Variants in STAB1 observed in about 807,000 individuals in gnomAD.
STAB1 encodes stabilin 1, also known as stabilin-1.
A neutral mutation model predicts 332.4 loss-of-function variants in STAB1; 250 were observed. The ratio of observed to expected loss-of-function variants is 0.75; its 90% CI spans 0.68 to 0.84. The LOEUF (loss-of-function observed/expected upper bound fraction) is 0.84. Among genes scored for constraint, STAB1 ranks in the 40% least tolerant of loss-of-function variants. STAB1 has a pLI of 0.00. For synonymous variants in STAB1, 1,475 were observed against 1,390.4 expected, an observed-to-expected ratio of 1.06 and a Z score of -1.35; for missense variants, 3,249 against 3,489.7, an observed-to-expected ratio of 0.93 and a Z score of 1.74.
At chr3:52,506,277 T>C in intron 17 of STAB1, 27 bp downstream of exon 17, 1 of 1,593,612 alleles carries the variant, frequency 6.3e-7, no homozygotes, top group Non-Finnish European at 8.6e-7. Flanking sequence ...CCTGGGCGGA[T>C]GGTGGGGCTG....
chr3:52,514,680 A>G (rs758276314), intron 34 of STAB1, 21 bp from the exon 35 acceptor site: 12 of 1,612,788 alleles, frequency 7.4e-6, no homozygotes, highest in Non-Finnish European at 1.0e-5. Flanking sequence ...GGGTGGATTC[A>G]GCCTCCATCC....
At chr3:52,518,109 C>T (rs1559711430) in intron 45 of STAB1, 106 bp downstream of exon 45, 3 of 1,520,724 alleles carry the variant, frequency 2.0e-6, no homozygotes, top group African/African-American at 1.4e-5. Context: ...TGGCCCTGAC[C>T]ATGACACTGA....
intron 10 of STAB1, 125 bp downstream of exon 10, chr3:52,504,280 T>G: frequency 6.8e-7 from 1 of 1,472,558 alleles, no homozygotes; most frequent in Non-Finnish European, 9.1e-7. Context: ...AACAGGTGGC[T>G]GTGGGGGGTG....
intron 8 of STAB1, 63 bp from the exon 9 acceptor site, chr3:52,503,709 G>A (rs773686039): frequency 6.9e-6 from 11 of 1,605,366 alleles, no homozygotes; most frequent in African/African-American, 2.7e-5. Context: ...CTATGGGTAG[G>A]GCAGACACCA....
chr3:52,519,723 G>A (rs2079010561), intron 50 of STAB1, 159 bp downstream of exon 50: 3 of 1,223,688 alleles, frequency 2.5e-6, no homozygotes, highest in Non-Finnish European at 3.4e-6. Context: ...CTGTGTGCAT[G>A]TGCACCCCAG....
At position 52,518,614 on chromosome 3, in the gene STAB1, G is replaced by A; in HGVS notation, c.4887+1G>A. The A allele has an allele frequency of 6.2e-7, 1 of 1,607,968 alleles. No homozygotes were observed. Among genetic ancestry groups the A allele is most frequent in the Non-Finnish European group, 8.5e-7 (1 of 1,177,678 alleles). On this transcript the variant is annotated splice_donor_variant, in intron 47 of 68. Transcript: ENST00000321725. LOFTEE classifies it high-confidence loss of function. ...AGATCTAATGAGCAACCTGTCGCAG[G>A]TATGCAGCCCCCAGAGCGAGGCTGG... is the stretch of plus-strand genomic sequence containing the variant.
chr3:52,520,058 C>T lies in STAB1; in HGVS notation c.5350C>T (p.His1784Tyr), dbSNP rs1339178623. 13 of 1,612,672 alleles carry T rather than the reference C, an allele frequency of 8.1e-6. No homozygotes were observed. The South Asian group carries it at 1.3e-4, about 16-fold the overall frequency. Residue 1784 changes from histidine to tyrosine, a missense_variant, in exon 51 of 69, where the codon CAT (histidine) becomes TAT (tyrosine). Transcript: ENST00000321725. ...TCCGGATCGCCAGGCCTGGCTGTAC[C>T]ATGAGGACCACCGTGACAAGCTAGC... Reference protein sequence around the residue: ...LPPDRQAWLYHEDHRDKLAAI... With the variant: ...LPPDRQAWLYYEDHRDKLAAI...
chr3:52,508,883 T>C (rs1286939876), intron 21 of STAB1, among the ~76,000 whole-genome samples: 1 of 152,148 alleles, frequency 6.6e-6, no homozygotes, highest in African/African-American at 2.4e-5. Flanking sequence ...TTGGCATTTA[T>C]TTCCAAAAAG....
At position 52,522,378 on chromosome 3, in the gene STAB1, C is replaced by T; in HGVS notation, c.6514C>T (p.Gln2172Ter). 6.2e-7 allele frequency: 1 copy of T among 1,613,020 alleles called. No individual in the cohort carries two copies. The highest frequency in any genetic ancestry group is 8.5e-7 in the Non-Finnish European group (1 of 1,180,020). Residue 2172 changes from glutamine (Q) to a stop codon, truncating the protein, a stop_gained, in exon 60 of 69, where the codon CAG becomes TAG. Coordinates refer to ENST00000321725, the MANE Select transcript of STAB1 (RefSeq NM_015136.3). LOFTEE classifies it high-confidence loss of function. ...CHAGYVGDGL[Q>*]CLEESEPPVD... ...CGCAGGCTACGTAGGCGATGGACTGCAGTGTCTGGAGGAGTCGGAACCACC... is the reference window on the plus strand; with the variant it reads ...CGCAGGCTACGTAGGCGATGGACTGTAGTGTCTGGAGGAGTCGGAACCACC...
chr3:52,499,706 C>G (rs1452364554), intron 1 of STAB1, among the ~76,000 whole-genome samples: 11 of 150,346 alleles, frequency 7.3e-5, no homozygotes, highest in Admixed American at 1.3e-4. Flanking sequence ...GAGACCAACC[C>G]CGCTAAAACG....
Position 52,510,367 on chromosome 3 carries a change from T to C in STAB1, c.2647T>C (p.Ser883Pro), listed in dbSNP as rs1279724235. The change falls in exon 25 of 69, where the codon TCC (serine) becomes CCC (proline). Residue 883 changes from serine to proline, a missense_variant. By Grantham distance (74) the Ser-to-Pro change is moderately conservative. Transcript: ENST00000321725. ...CTCACAGGCTGAGTGTGTCCCTGGG[T>C]CCCTGGGCACCCACCACTGCACATG... is the stretch of plus-strand genomic sequence containing the variant. ...CSENAECVPG[S>P]LGTHHCTCHK... 1.9e-6 allele frequency: 3 copies of C among 1,613,788 alleles called. No homozygotes were observed. Among genetic ancestry groups the C allele is most frequent in the Non-Finnish European group, 8.5e-7 (1 of 1,179,994 alleles).
Position 52,508,378 on chromosome 3 carries a change from T to C in STAB1, c.2235+19T>C, listed in dbSNP as rs372972573. ...AGGCAATGTGAGTCCCATCCTCTCC[T>C]GGGGTGAGGTATGGGGAACACAAGG... On this transcript the variant is annotated intron_variant, in intron 21 of 68. Coordinates refer to ENST00000321725, the MANE Select transcript of STAB1 (RefSeq NM_015136.3). 25 of 1,611,244 alleles carry C rather than the reference T, an allele frequency of 1.6e-5. No homozygotes were observed. The highest frequency in any genetic ancestry group is 2.7e-5 in the African/African-American group (2 of 74,890).
In STAB1 at chr3:52,502,623, C is replaced by T; in HGVS notation, c.488-9C>T. 1 of 1,606,898 alleles carries T rather than the reference C, an allele frequency of 6.2e-7. No individual in the cohort carries two copies. Among genetic ancestry groups the T allele is most frequent in the Non-Finnish European group, 8.5e-7 (1 of 1,174,400 alleles). On this transcript the variant is annotated splice_polypyrimidine_tract_variant and intron_variant, in intron 5 of 68. Transcript: ENST00000321725. Reference sequence around the variant, plus strand: ...TGGGGCCCCATCTGTCTCTGTGTGTCCCTCCCAGTGTGCAGCTGTGTGCAC... The same window carrying T: ...TGGGGCCCCATCTGTCTCTGTGTGTTCCTCCCAGTGTGCAGCTGTGTGCAC...
In STAB1 at chr3:52,503,474, A is replaced by C; in HGVS notation, c.825A>C (p.Pro275=). The change falls in exon 8 of 69, where the codon CCA becomes CCC. Residue 275 remains proline, a synonymous_variant. Transcript: ENST00000321725. ...GGATGGTGTGTCTGCCCAAGGACCC[A>C]TGCACTGACAACCTTGGTGGCTGCC... ...GDGMVCLPKD[P]CTDNLGGCPS... is the part of the protein sequence containing the mutation. The C allele has an allele frequency of 6.2e-7, 1 of 1,613,772 alleles. No homozygotes were observed. The highest frequency in any genetic ancestry group is 8.5e-7 in the Non-Finnish European group (1 of 1,180,024).
chr3:52,521,990 C>T lies in STAB1; in HGVS notation c.6271+39C>T, dbSNP rs764176077. ...CGGGGACATGGAGGTGGGAGGCCCC[C>T]ACTCCCCTGCAGTCACTAGGTCCAA... is the stretch of plus-strand genomic sequence containing the variant. On this transcript the variant is annotated intron_variant, in intron 58 of 68. Coordinates refer to ENST00000321725, the MANE Select transcript of STAB1 (RefSeq NM_015136.3). The T allele has an allele frequency of 9.3e-6, 15 of 1,607,238 alleles. No homozygotes were observed. In the Middle Eastern group the frequency reaches 9.9e-4, roughly 106 times the overall value.
Position 52,519,729 on chromosome 3 carries a change from C to T in STAB1, c.5235+165C>T, listed in dbSNP as rs1165120033. 3.0e-5 allele frequency: 36 copies of T among 1,198,234 alleles called. No individual in the cohort carries two copies. The Admixed American group carries it at 7.8e-4, about 26-fold the overall frequency. The allele number at this position is 1,198,234 out of a possible 1,614,324, so 74.2% of individuals were successfully genotyped here. ...AAGCCACATCTGTGTGCATGTGCAC[C>T]CCAGGTTGAGCACATGGGTGTGCTT... On this transcript the variant is annotated intron_variant, in intron 50 of 68. Coordinates refer to ENST00000321725, the MANE Select transcript of STAB1 (RefSeq NM_015136.3).
Position 52,517,618 on chromosome 3 carries a change from C to T in STAB1, c.4632C>T (p.Cys1544=). The change falls in exon 44 of 69, where the codon TGC becomes TGT. Residue 1544 remains cysteine (C), a synonymous_variant. Transcript: ENST00000321725. Reference sequence around the variant, plus strand: ...GGACCTGCGAGCTCCTGGACCCCTGCTCTAAGGTCAGGACCCTAGTCCTGT... The same window carrying T: ...GGACCTGCGAGCTCCTGGACCCCTGTTCTAAGGTCAGGACCCTAGTCCTGT... ...GIRTCELLDP[C]SKNNGGCSPY... 6.2e-7 allele frequency: 1 copy of T among 1,612,794 alleles called. No individual in the cohort carries two copies. The highest frequency in any genetic ancestry group is 1.1e-5 in the South Asian group (1 of 91,048).
At chr3:52,504,214 G>A (rs1708674439) in intron 10 of STAB1, 59 bp downstream of exon 10, 1 of 1,543,760 alleles carries the variant, frequency 6.5e-7, no homozygotes, top group African/African-American at 1.4e-5. Flanking sequence ...CAGTTGGCAG[G>A]GAGGGAGGAG....
chr3:52,522,219 AGCACCG>A lies in STAB1; in HGVS notation c.6457_6462del (p.Thr2153_Gly2154del). The stretch of plus-strand genomic sequence containing the variant: ...CTGCAGCGAGCACGCCAACTGCTTG[AGCACCG>A]GCCTGGTGAGCAGGTGGGGGAACCG... On this transcript the variant is annotated inframe_deletion, in exon 59 of 69. Coordinates refer to ENST00000321725, the MANE Select transcript of STAB1 (RefSeq NM_015136.3). 1 of 1,612,500 alleles carries A rather than the reference AGCACCG, an allele frequency of 6.2e-7. No individual in the cohort carries two copies. The highest frequency in any genetic ancestry group is 8.5e-7 in the Non-Finnish European group (1 of 1,179,866).
Sources: allele counts gnomAD v4.1 joint callset (sites outside exome capture counted in the v4.1 genomes callset), GRCh38; gene constraint gnomAD v4.1.1; transcripts MANE v1.5; gene names NCBI Gene and HGNC (gene_info 2026-07-23, HGNC 2026-07-21).